Variants in CCDC63 observed in about 807,000 individuals in gnomAD.
The protein encoded by CCDC63 is coiled-coil domain-containing protein 63.
A neutral mutation model predicts 63.6 loss-of-function variants in CCDC63; 54 were observed. The ratio of observed to expected loss-of-function variants is 0.85; its 90% CI spans 0.68 to 1.07. The LOEUF (loss-of-function observed/expected upper bound fraction) is 1.07, where lower values mean the gene tolerates loss of function less well. CCDC63 is among the 50% of genes least tolerant of loss of function. The pLI, the probability that CCDC63 is intolerant of heterozygous loss-of-function variation, is 0.00. For missense variants in CCDC63, 637 were observed against 689.6 expected (o/e 0.92, Z 0.86); for synonymous variants, 253 against 266.1 (o/e 0.95, Z 0.48).
intron 5 of CCDC63, among the ~76,000 whole-genome samples, chr12:110,874,869 A>G (rs1310771794): frequency 1.3e-5 from 2 of 152,178 alleles, no homozygotes; most frequent in Admixed American, 6.5e-5. Flanking sequence ...AAATAAGTGG[A>G]TTAGAGGAGA....
At chr12:110,890,773 C>CTTTTTTTTTTTTTTTTTTTTTTTTTTT (rs769120162) in intron 8 of CCDC63, among the ~76,000 whole-genome samples, 1 of 98,400 alleles carries the variant, frequency 1.0e-5, no homozygotes, top group Non-Finnish European at 2.0e-5. Context: ...TCCTCCTTTT[C>CTTTTTTTTTTTTTTTTTTTTTTTTTTT]TTTTTTTTTT....
At chr12:110,870,641 A>G (rs555617955) in intron 4 of CCDC63, among the ~76,000 whole-genome samples, 2 of 152,180 alleles carry the variant, frequency 1.3e-5, no homozygotes, top group African/African-American at 4.8e-5. Flanking sequence ...TTGCCCTTCT[A>G]TGAGGCCAGA....
intron 8 of CCDC63, 50 bp downstream of exon 8, chr12:110,884,300 G>C: frequency 6.7e-7 from 1 of 1,483,530 alleles, no homozygotes; most frequent in Non-Finnish European, 9.4e-7. Context: ...GTCCACAGCA[G>C]CCTTTCCAGG....
At chr12:110,851,712 C>T (rs1003198153) in intron 1 of CCDC63, among the ~76,000 whole-genome samples, 1 of 152,162 alleles carries the variant, frequency 6.6e-6, no homozygotes, top group Non-Finnish European at 1.5e-5. Flanking sequence ...ACATTCACCA[C>T]CCTGCACCTT....
In CCDC63 at chr12:110,884,243, G is replaced by A. The variant is rs267603306; in HGVS notation, c.1067G>A (p.Arg356Gln). 9 of 1,613,908 alleles carry A rather than the reference G, an allele frequency of 5.6e-6. No homozygotes were observed. Among genetic ancestry groups the A allele is most frequent in the Middle Eastern group, 1.7e-4 (1 of 6,026 alleles). ...GAGATGATGCACAAGAGGACCCAACGAATCCAGGTCAGGGCGGCTCTGCTT... is the reference window on the plus strand; with the variant it reads ...GAGATGATGCACAAGAGGACCCAACAAATCCAGGTCAGGGCGGCTCTGCTT... Reference protein sequence around the residue: ...DMEMMHKRTQRIQDEIILLRS... With the variant: ...DMEMMHKRTQQIQDEIILLRS... Residue 356 changes from arginine to glutamine, a missense_variant, in exon 8 of 12, where the codon CGA (arginine) becomes CAA (glutamine). Transcript: ENST00000308208.
At chr12:110,898,495 G>A (rs898540593) in intron 9 of CCDC63, among the ~76,000 whole-genome samples, 2 of 150,592 alleles carry the variant, frequency 1.3e-5, no homozygotes, top group Non-Finnish European at 3.0e-5. Context: ...GCACCTGCTT[G>A]TAATCCCAGC....
At chr12:110,880,134 G>A (rs1205307960) in intron 6 of CCDC63, 47 bp downstream of exon 6, 1 of 1,553,132 alleles carries the variant, frequency 6.4e-7, no homozygotes. Flanking sequence ...TTAGCCCCTT[G>A]CTGAGCATCT....
At chr12:110,847,267 G>A (rs1176696166) in intron 1 of CCDC63, among the ~76,000 whole-genome samples, 162 bp downstream of exon 1, 1 of 152,178 alleles carries the variant, frequency 6.6e-6, no homozygotes, top group Non-Finnish European at 1.5e-5. Flanking sequence ...ATTGTAGTGT[G>A]TAAAATAACT....
intron 10 of CCDC63, 73 bp from the exon 11 acceptor site, chr12:110,904,515 G>T: frequency 7.5e-7 from 1 of 1,334,000 alleles, no homozygotes; most frequent in Non-Finnish European, 1.1e-6. Context: ...CCTCTGCAGT[G>T]GTGGCACCAC....
At chr12:110,862,329 A>T (rs1566119090) in intron 4 of CCDC63, among the ~76,000 whole-genome samples, 1 of 152,160 alleles carries the variant, frequency 6.6e-6, no homozygotes, top group Non-Finnish European at 1.5e-5. Context: ...CCCACCCTCG[A>T]TGGGCAAAGC....
chr12:110,904,512 AGT>A, intron 10 of CCDC63, 74 bp from the exon 11 acceptor site: 1 of 1,266,684 alleles, frequency 7.9e-7, no homozygotes, highest in Non-Finnish European at 1.1e-6. Context: ...CGCCCTCTGC[AGT>A]GGTGGCACCA....
chr12:110,872,500 A>T (rs2136681818), intron 4 of CCDC63, among the ~76,000 whole-genome samples: 1 of 152,024 alleles, frequency 6.6e-6, no homozygotes, highest in Non-Finnish European at 1.5e-5. Flanking sequence ...CAACTCTCGT[A>T]AAGTTCCAAA....
At chr12:110,863,305 C>T (rs1447758491) in intron 4 of CCDC63, among the ~76,000 whole-genome samples, 1 of 151,816 alleles carries the variant, frequency 6.6e-6, no homozygotes, top group Non-Finnish European at 1.5e-5. Context: ...GAAGTCCAAA[C>T]CACAGCTAGT....
At chr12:110,906,957 G>T (rs1045711729) in intron 11 of CCDC63, among the ~76,000 whole-genome samples, 10 of 152,284 alleles carry the variant, frequency 6.6e-5, no homozygotes, top group Middle Eastern at 3.4e-3. Flanking sequence ...GGCCACTTCT[G>T]GGTAGATTAA....
At chr12:110,852,262 C>CT (rs1277973136) in intron 1 of CCDC63, among the ~76,000 whole-genome samples, 3 of 151,084 alleles carry the variant, frequency 2.0e-5, no homozygotes, top group Admixed American at 1.3e-4. Context: ...GCCCCGATGC[C>CT]TTTTTTTTTG....
At chr12:110,880,188 TG>T in intron 6 of CCDC63, 101 bp downstream of exon 6, 1 of 1,008,336 alleles carries the variant, frequency 9.9e-7, no homozygotes, top group Non-Finnish European at 1.5e-6. Context: ...CGTTATGTGT[TG>T]GGGAATCTTA....
intron 11 of CCDC63, 136 bp downstream of exon 11, chr12:110,904,927 CT>C: frequency 3.4e-6 from 2 of 596,804 alleles, no homozygotes; most frequent in Non-Finnish European, 5.5e-6. Context: ...CTCTTGTGGC[CT>C]GCCAGTTCCC....
At chr12:110,853,689 C>T in intron 3 of CCDC63, 115 bp downstream of exon 3, 1 of 1,102,086 alleles carries the variant, frequency 9.1e-7, no homozygotes, top group Non-Finnish European at 1.3e-6. Flanking sequence ...CCTCTGAGCC[C>T]CATTGGAGGA....
intron 3 of CCDC63, among the ~76,000 whole-genome samples, chr12:110,856,843 T>TC (rs988258089): frequency 1.5e-5 from 2 of 135,586 alleles, no homozygotes; most frequent in African/African-American, 5.2e-5. Flanking sequence ...TCCTTTCCTT[T>TC]CTTTTTTTTT....
Sources: allele counts gnomAD v4.1 joint callset (sites outside exome capture counted in the v4.1 genomes callset), GRCh38; gene constraint gnomAD v4.1.1; transcripts MANE v1.5; gene names NCBI Gene and HGNC (gene_info 2026-07-23, HGNC 2026-07-21).